The following RAB30 variants were observed in gnomAD, a reference collection of about 807,000 sequenced individuals.
RAB30 encodes ras-related protein Rab-30.
A neutral mutation model predicts 25.1 loss-of-function variants in RAB30; 9 were observed. That is an observed-to-expected ratio of 0.36 (90% CI 0.22 to 0.63). The LOEUF is 0.63. RAB30 is among the 20% of genes least tolerant of loss of function. The probability of loss-of-function intolerance (pLI) is 0.69; values close to 1 mark genes in which losing one functional copy is unlikely to be tolerated. For synonymous variants in RAB30, 77 were observed against 86.4 expected, an observed-to-expected ratio of 0.89 and a Z score of 0.60; for missense variants, 140 against 243.5, an observed-to-expected ratio of 0.58 and a Z score of 2.83.
chr11:82,983,598 ATT>A (rs34673993), intron 4 of RAB30, among the ~76,000 whole-genome samples: 16 of 150,268 alleles, frequency 1.1e-4, no homozygotes, highest in African/African-American at 9.8e-5. Context: ...TGCCCAGCTA[ATT>A]TTTTTTTTTT....
chr11:83,024,936 C>T (rs1857673881), intron 1 of RAB30, among the ~76,000 whole-genome samples: 1 of 152,174 alleles, frequency 6.6e-6, no homozygotes, highest in African/African-American at 2.4e-5. Context: ...GTTATAGCAT[C>T]TTTCAAGATC....
rs1856516770 is a variant in RAB30, at chr11:82,974,943, T to C, written c.*7222A>G. 7.6e-6 allele frequency: 1 copy of C among 132,038 alleles called. No homozygotes were observed. 8.2% of individuals were successfully genotyped at this position (132,038 alleles called of 1,614,324 possible). A position where few individuals can be genotyped will look rare whatever the true frequency, so the allele number is the denominator to read the frequency against. On this transcript the variant is annotated 3_prime_UTR_variant, in exon 5 of 5. Coordinates refer to ENST00000527633, the MANE Select transcript of RAB30 (RefSeq NM_001286060.2). Reference sequence around the variant, plus strand: ...AATTTTGAGCAGAGTTTGTTGTTTTTTCTTTTTTTTTTTTTTTTTGCTGAA... The same window carrying C: ...AATTTTGAGCAGAGTTTGTTGTTTTCTCTTTTTTTTTTTTTTTTTGCTGAA...
chr11:83,067,850 G>A (rs901668868), intron 1 of RAB30, among the ~76,000 whole-genome samples: 2 of 152,134 alleles, frequency 1.3e-5, no homozygotes, highest in African/African-American at 2.4e-5. Context: ...AAGTTGCCAG[G>A]TGCGGTGGCT....
At position 82,981,282 on chromosome 11, in the gene RAB30, T is replaced by C. The variant is rs1233769975; in HGVS notation, c.*883A>G. The C allele has an allele frequency of 2.0e-5, 3 of 152,198 alleles. No homozygotes were observed. Among genetic ancestry groups the C allele is most frequent in the Admixed American group, 2.0e-4 (3 of 15,282 alleles). 9.4% of individuals were successfully genotyped at this position (152,198 alleles called of 1,614,324 possible). On this transcript the variant is annotated 3_prime_UTR_variant, in exon 5 of 5. Coordinates refer to ENST00000527633, the MANE Select transcript of RAB30 (RefSeq NM_001286060.2). ...ATATTAGAATGTCATCAACCATTTG[T>C]TTATTTTTTTCATTTTGCAAACGTT... is the stretch of plus-strand genomic sequence containing the variant.
rs1001828250 is a variant in RAB30, at chr11:82,979,082, T to C, written c.*3083A>G. On this transcript the variant is annotated 3_prime_UTR_variant, in exon 5 of 5. Coordinates refer to ENST00000527633, the MANE Select transcript of RAB30 (RefSeq NM_001286060.2). ...AAAAATATTAATATAATTCAACAGA[T>C]TTAATAAAAGCACACAAAGGGAGAA... 6.6e-6 allele frequency: 1 copy of C among 152,068 alleles called. No homozygotes were observed. Among genetic ancestry groups the C allele is most frequent in the Non-Finnish European group, 1.5e-5 (1 of 68,010 alleles). 9.4% of individuals were successfully genotyped at this position (152,068 alleles called of 1,614,324 possible).
intron 2 of RAB30, among the ~76,000 whole-genome samples, chr11:82,995,943 T>G (rs2121460409): frequency 6.6e-6 from 1 of 152,354 alleles, no homozygotes; most frequent in East Asian, 1.9e-4. Context: ...AAGGAAACTT[T>G]TGATAAAGGG....
intron 1 of RAB30, among the ~76,000 whole-genome samples, chr11:83,048,140 G>A (rs948429837): frequency 1.7e-4 from 26 of 151,994 alleles, no homozygotes; most frequent in Non-Finnish European, 2.6e-4. Flanking sequence ...TAATGACATG[G>A]AGTCACAAAT....
chr11:83,041,476 G>T, intron 1 of RAB30: 1 of 214,796 alleles, frequency 4.7e-6, no homozygotes, highest in Non-Finnish European at 9.8e-6. Context: ...CTGTCTCCAA[G>T]GTCCTTTAGA....
rs1856652894 is a variant in RAB30 at position 82,982,233 on chromosome 11, T to C, written c.544A>G (p.Asn182Asp). Residue 182 changes from asparagine (N) to aspartate (D), a missense_variant, in exon 5 of 5, where the codon AAT (asparagine) becomes GAT (aspartate). Transcript: ENST00000527633. ...SEARQNTLVNNVSSPLPGEGK... is the reference protein window; with the variant it reads ...SEARQNTLVNDVSSPLPGEGK... ...TCTCCAGGTAAGGGTGAGGATACAT[T>C]GTTCACAAGTGTGTTCTGTCTGGCT... 4 of 1,614,214 alleles carry C rather than the reference T, an allele frequency of 2.5e-6. No individual in the cohort carries two copies. Among genetic ancestry groups the C allele is most frequent in the Non-Finnish European group, 3.4e-6 (4 of 1,180,020 alleles).
At chr11:83,021,459 T>G (rs188130325) in intron 1 of RAB30, among the ~76,000 whole-genome samples, 170 of 152,316 alleles carry the variant, frequency 1.1e-3, no homozygotes, top group African/African-American at 4.0e-3. Flanking sequence ...GGAAAGCTGC[T>G]TGCGGCGCAC....
At chr11:83,035,663 C>G (rs753662638) in intron 1 of RAB30, 1 of 152,220 alleles carries the variant, frequency 6.6e-6, no homozygotes, top group Non-Finnish European at 1.5e-5. Context: ...GACACAGCAT[C>G]TATCTTGACA....
chr11:83,064,144 G>A (rs558798550), intron 1 of RAB30, among the ~76,000 whole-genome samples: 5 of 152,064 alleles, frequency 3.3e-5, no homozygotes, highest in South Asian at 2.1e-4. Context: ...TTTAAGACAA[G>A]GTCTCATGAT....
At chr11:82,999,321 CATAAAAA>C (rs1193683392) in intron 1 of RAB30, among the ~76,000 whole-genome samples, 1 of 152,188 alleles carries the variant, frequency 6.6e-6, no homozygotes, top group African/African-American at 2.4e-5. Context: ...CATATGGTAT[CATAAAAA>C]ATGGAGCCAG....
intron 1 of RAB30, among the ~76,000 whole-genome samples, chr11:83,047,776 C>T (rs1350620926): frequency 6.6e-6 from 1 of 152,032 alleles, no homozygotes; most frequent in Admixed American, 6.6e-5. Flanking sequence ...TTCAGTCTTC[C>T]TCTTTTTGAT....
At chr11:83,039,384 A>G (rs992037954) in intron 1 of RAB30, among the ~76,000 whole-genome samples, 1 of 152,234 alleles carries the variant, frequency 6.6e-6, no homozygotes, top group Non-Finnish European at 1.5e-5. Context: ...AAGTCCTAAG[A>G]AATGCCATTC....
intron 1 of RAB30, among the ~76,000 whole-genome samples, chr11:83,056,377 G>A (rs776030100): frequency 1.3e-5 from 2 of 152,176 alleles, no homozygotes; most frequent in Non-Finnish European, 2.9e-5. Context: ...TTAAAGCTGA[G>A]TAATATTCCA....
intron 1 of RAB30, among the ~76,000 whole-genome samples, chr11:83,048,454 G>T: frequency 6.8e-6 from 1 of 146,754 alleles, no homozygotes; most frequent in Non-Finnish European, 1.5e-5. Context: ...CTGGGCAACA[G>T]TGAGACACTG....
At chr11:83,021,956 A>T (rs1296341261) in intron 1 of RAB30, among the ~76,000 whole-genome samples, 2 of 152,208 alleles carry the variant, frequency 1.3e-5, no homozygotes, top group African/African-American at 4.8e-5. Context: ...CATATATTTT[A>T]TGTATTTCAT....
chr11:83,037,744 C>A (rs1156875240), intron 1 of RAB30, among the ~76,000 whole-genome samples: 1 of 152,000 alleles, frequency 6.6e-6, no homozygotes, highest in Non-Finnish European at 1.5e-5. Flanking sequence ...AAAAAGTGGA[C>A]CCCAGTTGTG....
Sources: allele counts gnomAD v4.1 joint callset (sites outside exome capture counted in the v4.1 genomes callset), GRCh38; gene constraint gnomAD v4.1.1; transcripts MANE v1.5; gene names NCBI Gene and HGNC (gene_info 2026-07-23, HGNC 2026-07-21).